The following HYCC1 variants were observed in gnomAD, a reference collection of about 807,000 sequenced individuals.
The protein encoded by HYCC1 is hyccin PI4KA lipid kinase complex subunit 1, also known as hyccin.
the HYCC1 span, among the ~76,000 whole-genome samples, chr7:22,895,928 T>C: frequency 6.6e-6 from 1 of 152,238 alleles, no homozygotes; most frequent in African/African-American, 2.4e-5. Flanking sequence ...GTGGTTAATA[T>C]TATATTTGAA....
chr7:22,939,921 AAAT>A, the HYCC1 span: 7 of 152,222 alleles, frequency 4.6e-5, no homozygotes, highest in African/African-American at 1.2e-4. Context: ...AATGCAAAGA[AAAT>A]AATAACTACA....
the HYCC1 span, among the ~76,000 whole-genome samples, chr7:22,974,556 TG>T: frequency 6.6e-6 from 1 of 152,236 alleles, no homozygotes; most frequent in South Asian, 2.1e-4. Context: ...GGAAAACACC[TG>T]AAAGACTTCA....
the HYCC1 span, among the ~76,000 whole-genome samples, chr7:22,921,139 A>T: frequency 3.3e-5 from 5 of 152,250 alleles, no homozygotes; most frequent in African/African-American, 1.2e-4. Flanking sequence ...CTTTATAGCA[A>T]TGCAAAAATG....
the HYCC1 span, among the ~76,000 whole-genome samples, chr7:23,007,250 G>A: frequency 3.3e-5 from 5 of 152,138 alleles, no homozygotes; most frequent in South Asian, 4.1e-4. Context: ...AATATGGGGT[G>A]AAGAAAGAGT....
the HYCC1 span, among the ~76,000 whole-genome samples, chr7:22,929,612 T>C: frequency 3.3e-5 from 5 of 152,134 alleles, no homozygotes; most frequent in Admixed American, 2.6e-4. Context: ...TCACTGACCA[T>C]CAGAGAAATG....
At chr7:22,901,797 A>G in the HYCC1 span, among the ~76,000 whole-genome samples, 1 of 152,174 alleles carries the variant, frequency 6.6e-6, no homozygotes. Context: ...AATTAACCAA[A>G]TTAAAGGGAG....
At chr7:22,988,973 C>T in the HYCC1 span, among the ~76,000 whole-genome samples, 1 of 152,020 alleles carries the variant, frequency 6.6e-6, no homozygotes, top group Admixed American at 6.6e-5. Flanking sequence ...GTCTATATAT[C>T]CAAACCAGGA....
chr7:23,006,575 C>T, the HYCC1 span, among the ~76,000 whole-genome samples: 15 of 152,286 alleles, frequency 9.8e-5, no homozygotes, highest in African/African-American at 3.4e-4. Context: ...CCAATTTAAG[C>T]ACTTTTAAGG....
chr7:22,960,446 C>A, the HYCC1 span: 1 of 1,572,190 alleles, frequency 6.4e-7, no homozygotes, highest in African/African-American at 1.4e-5. Context: ...TTAAGATCAA[C>A]ATGAGCAGAT....
the HYCC1 span, among the ~76,000 whole-genome samples, chr7:22,987,659 T>C: frequency 6.6e-6 from 1 of 152,208 alleles, no homozygotes; most frequent in Non-Finnish European, 1.5e-5. Flanking sequence ...TGAGAGATGT[T>C]GGGTGAGGTT....
At chr7:22,932,193 G>C in the HYCC1 span, among the ~76,000 whole-genome samples, 10 of 152,168 alleles carry the variant, frequency 6.6e-5, no homozygotes, top group African/African-American at 9.7e-5. Context: ...TTGTCTAATG[G>C]CTTGAACGCC....
chr7:23,001,125 G>A, the HYCC1 span, among the ~76,000 whole-genome samples: 3 of 152,088 alleles, frequency 2.0e-5, no homozygotes, highest in Non-Finnish European at 4.4e-5. Flanking sequence ...ACATAGCAAT[G>A]GTAGATGTCC....
chr7:22,947,955 T>G, the HYCC1 span, among the ~76,000 whole-genome samples: 3 of 152,100 alleles, frequency 2.0e-5, no homozygotes, highest in African/African-American at 7.2e-5. Flanking sequence ...TTTAGTTCAT[T>G]ACTAGACTAG....
the HYCC1 span, among the ~76,000 whole-genome samples, chr7:22,975,668 G>T: frequency 6.6e-6 from 1 of 152,210 alleles, no homozygotes; most frequent in African/African-American, 2.4e-5. Context: ...CAATTTAAAC[G>T]TTATTCAGCT....
the HYCC1 span, among the ~76,000 whole-genome samples, chr7:22,958,504 G>A: frequency 6.6e-6 from 1 of 152,046 alleles, no homozygotes; most frequent in East Asian, 1.9e-4. Flanking sequence ...CAGGTGATAA[G>A]AATGCTACTT....
the HYCC1 span, chr7:22,947,124 A>G: frequency 6.5e-7 from 1 of 1,550,242 alleles, no homozygotes; most frequent in Non-Finnish European, 8.7e-7. Context: ...CTGAGCATCA[A>G]TCTCTCCTAG....
At chr7:22,944,519 AAATTT>A in the HYCC1 span, 1 of 152,192 alleles carries the variant, frequency 6.6e-6, no homozygotes, top group African/African-American at 2.4e-5. Context: ...TTCGTGTTTT[AAATTT>A]AAGAACACAA....
At chr7:22,927,541 A>G in the HYCC1 span, among the ~76,000 whole-genome samples, 1 of 152,264 alleles carries the variant, frequency 6.6e-6, no homozygotes, top group African/African-American at 2.4e-5. Flanking sequence ...CTACCATCAG[A>G]GAATACTATA....
chr7:22,977,104 G>A, the HYCC1 span, among the ~76,000 whole-genome samples: 1 of 134,498 alleles, frequency 7.4e-6, no homozygotes, highest in East Asian at 2.3e-4. Context: ...ATCAGGAAGA[G>A]GGAAAAATAT....
Sources: gnomAD v4.1 joint callset for allele counts (sites outside exome capture counted in the v4.1 genomes callset) on GRCh38, gnomAD v4.1.1 for gene constraint, MANE v1.5 for transcripts, NCBI Gene and HGNC (gene_info 2026-07-23, HGNC 2026-07-21) for gene names.